Variants in ENTREP2 observed in about 807,000 individuals in gnomAD.
ENTREP2 encodes endosomal transmembrane epsin interactor 2, also known as protein ENTREP2.
chr15:29,234,345 C>G, the ENTREP2 span: 4 of 1,592,940 alleles, frequency 2.5e-6, no homozygotes, highest in South Asian at 4.4e-5. Context: ...ATCTCTTGAC[C>G]ATCTTCACTG....
At chr15:29,517,857 T>C in the ENTREP2 span, among the ~76,000 whole-genome samples, 12 of 152,336 alleles carry the variant, frequency 7.9e-5, no homozygotes, top group African/African-American at 2.9e-4. Flanking sequence ...GTGATGTTTT[T>C]GTATTCACCT....
At chr15:29,358,516 G>T in the ENTREP2 span, among the ~76,000 whole-genome samples, 1,490 of 152,296 alleles carry the variant, frequency 9.8e-3, 42 homozygotes, top group African/African-American at 0.034. Flanking sequence ...TACACTTCTG[G>T]TGCTGGTTGG....
chr15:29,241,519 T>G, the ENTREP2 span, among the ~76,000 whole-genome samples: 3 of 152,170 alleles, frequency 2.0e-5, no homozygotes, highest in African/African-American at 7.2e-5. Flanking sequence ...TTTGCTCCAG[T>G]TTGTGTACTT....
the ENTREP2 span, among the ~76,000 whole-genome samples, chr15:29,621,522 CAAAAAAAAA>C: frequency 6.0e-3 from 94 of 15,652 alleles, 3 homozygotes; most frequent in East Asian, 0.1. Context: ...GACTCTGTCT[CAAAAAAAAA>C]AAAAAAAAAA....
the ENTREP2 span, among the ~76,000 whole-genome samples, chr15:29,588,880 T>A: frequency 6.6e-6 from 1 of 151,518 alleles, no homozygotes; most frequent in Non-Finnish European, 1.5e-5. Flanking sequence ...TCCCAGCTAC[T>A]CAGGAGGATG....
the ENTREP2 span, among the ~76,000 whole-genome samples, chr15:29,243,053 C>T: frequency 4.6e-5 from 7 of 152,194 alleles, no homozygotes; most frequent in South Asian, 2.1e-4. Flanking sequence ...TCACACGCCA[C>T]GGCGAGGATG....
At chr15:29,571,744 G>A in the ENTREP2 span, among the ~76,000 whole-genome samples, 1 of 152,104 alleles carries the variant, frequency 6.6e-6, no homozygotes, top group Non-Finnish European at 1.5e-5. Flanking sequence ...TCTAAGTACT[G>A]GCTCCCTTGG....
At chr15:29,461,288 T>C in the ENTREP2 span, among the ~76,000 whole-genome samples, 1 of 152,194 alleles carries the variant, frequency 6.6e-6, no homozygotes, top group African/African-American at 2.4e-5. Flanking sequence ...ATACAACTGT[T>C]GAAACTGTTC....
chr15:29,168,440 T>C, the ENTREP2 span, among the ~76,000 whole-genome samples: 1 of 152,248 alleles, frequency 6.6e-6, no homozygotes. Context: ...TCAGCGTGTG[T>C]GTGTAAAATC....
chr15:29,180,417 G>C, the ENTREP2 span, among the ~76,000 whole-genome samples: 12 of 152,284 alleles, frequency 7.9e-5, no homozygotes, highest in South Asian at 2.3e-3. Context: ...TGTAATCCCA[G>C]CACTTTGGGA....
the ENTREP2 span, among the ~76,000 whole-genome samples, chr15:29,181,255 G>C: frequency 6.6e-6 from 1 of 152,256 alleles, no homozygotes; most frequent in Admixed American, 6.5e-5. Context: ...CACTGAATCA[G>C]TACTTAACTA....
the ENTREP2 span, chr15:29,234,800 G>A: frequency 6.8e-7 from 1 of 1,463,338 alleles, no homozygotes; most frequent in Non-Finnish European, 9.6e-7. Flanking sequence ...TCCAGAGCAG[G>A]ATACAATCTG....
the ENTREP2 span, among the ~76,000 whole-genome samples, chr15:29,369,337 C>CAGT: frequency 6.6e-6 from 1 of 152,038 alleles, no homozygotes. Context: ...GGCAAAAGAT[C>CAGT]AGTGACTTAC....
At chr15:29,496,687 C>T in the ENTREP2 span, among the ~76,000 whole-genome samples, 3 of 151,952 alleles carry the variant, frequency 2.0e-5, no homozygotes, top group African/African-American at 7.2e-5. Context: ...AATTTTTGTC[C>T]TTCATTCTTT....
chr15:29,269,597 G>A, the ENTREP2 span: 24 of 1,554,764 alleles, frequency 1.5e-5, 1 homozygote, highest in South Asian at 2.6e-4. Flanking sequence ...CTGAGAACCC[G>A]GGCGTCTTCC....
chr15:29,591,038 CT>C, the ENTREP2 span, among the ~76,000 whole-genome samples: 3 of 152,140 alleles, frequency 2.0e-5, no homozygotes, highest in Non-Finnish European at 4.4e-5. Context: ...TTTTGCCAAT[CT>C]TCTGTCAAAC....
the ENTREP2 span, among the ~76,000 whole-genome samples, chr15:29,409,738 AG>A: frequency 1.8e-4 from 27 of 152,054 alleles, no homozygotes; most frequent in African/African-American, 6.5e-4. Context: ...CTGGGACTTC[AG>A]GCATGAGCCA....
chr15:29,246,475 G>A, the ENTREP2 span, among the ~76,000 whole-genome samples: 3,806 of 150,648 alleles, frequency 0.025, 166 homozygotes, highest in African/African-American at 0.088. Context: ...CAGGTGGATC[G>A]CCTGAGGTCA....
the ENTREP2 span, chr15:29,123,027 G>C: frequency 3.5e-6 from 1 of 285,060 alleles, no homozygotes; most frequent in East Asian, 5.8e-5. Context: ...ATTCACATTT[G>C]TGCAACACTG....
Sources: gnomAD v4.1 joint callset for allele counts (sites outside exome capture counted in the v4.1 genomes callset) on GRCh38, gnomAD v4.1.1 for gene constraint, MANE v1.5 for transcripts, NCBI Gene and HGNC (gene_info 2026-07-23, HGNC 2026-07-21) for gene names.